ARHGEF1: variants seen among roughly 807,000 people sequenced by gnomAD.
ARHGEF1 encodes 115 kDa guanine nucleotide exchange factor.
A neutral mutation model predicts 119.7 loss-of-function variants in ARHGEF1; 40 were observed. The observed-to-expected ratio is 0.33, with a 90% CI of 0.26 to 0.44. ARHGEF1 has a LOEUF of 0.44. Ranked by LOEUF, ARHGEF1 falls within the 20% of genes least tolerant of loss-of-function variation. The pLI is 1.00. For missense variants in ARHGEF1, 976 were observed against 1,268.3 expected (o/e 0.77, Z 3.50); for synonymous variants, 494 against 521.0 (o/e 0.95, Z 0.71).
intron 12 of ARHGEF1, 78 bp from the exon 13 acceptor site, chr19:41,896,299 C>G (rs941106291): frequency 9.2e-5 from 64 of 698,626 alleles, no homozygotes; most frequent in Non-Finnish European, 1.3e-4. Context: ...CTTTAGCCCC[C>G]GCAATTCCAG....
rs192738973 is a variant in ARHGEF1 at position 41,887,643 on chromosome 19, C to T, written c.-19-421C>T. 6.3e-3 allele frequency among the ~76,000 whole-genome samples: 963 copies of T among 152,208 alleles called. 11 individuals carry two copies. The highest frequency in any genetic ancestry group is 0.018 in the African/African-American group (741 of 41,508). ...TGTCACAGACCAGAGGAGACCCCTG[C>T]ACCCCACTTCTCTCCCGCCTCTCCT... On this transcript the variant is annotated intron_variant, in intron 1 of 28. Coordinates refer to ENST00000354532, the MANE Select transcript of ARHGEF1 (RefSeq NM_004706.4).
chr19:41,929,852 C>G (rs1222962857), exon 3 of ARHGEF1: 2 of 152,226 alleles, frequency 1.3e-5, no homozygotes, highest in Admixed American at 1.3e-4. Flanking sequence ...GTGCTGAGAC[C>G]GAGGTGCTGA....
Position 41,905,144 on chromosome 19 carries a change from G to A in ARHGEF1, c.2250-31G>A, listed in dbSNP as rs1555849844. The A allele has an allele frequency of 3.1e-6, 5 of 1,613,336 alleles. No individual in the cohort carries two copies. Among genetic ancestry groups the A allele is most frequent in the Non-Finnish European group, 4.2e-6 (5 of 1,179,378 alleles). On this transcript the variant is annotated intron_variant, in intron 23 of 28. Coordinates refer to ENST00000354532, the MANE Select transcript of ARHGEF1 (RefSeq NM_004706.4). This position sits in a 1 kb window ranked among gnomAD's most constrained non-coding sequence, Gnocchi z 6.4. The stretch of plus-strand genomic sequence containing the variant: ...CCCTGGCATAGGGTCTGGGGGCTCT[G>A]ACTGCCCAGGGATTTGGCCTTTCTC...
Position 41,907,172 on chromosome 19 carries a change from G to A in ARHGEF1, c.*85G>A, listed in dbSNP as rs1371759634. ...GACCACCCCCACCCACACAGCTGCCGCAGCATCTCACACCCCGAGGGCCTG... is the reference window on the plus strand; with the variant it reads ...GACCACCCCCACCCACACAGCTGCCACAGCATCTCACACCCCGAGGGCCTG... On this transcript the variant is annotated 3_prime_UTR_variant, in exon 29 of 29. Transcript: ENST00000354532. 51 of 1,529,414 alleles carry A rather than the reference G, an allele frequency of 3.3e-5. No individual in the cohort carries two copies. The highest frequency in any genetic ancestry group is 9.6e-5 in the African/African-American group (7 of 72,650). 94.7% of individuals were successfully genotyped at this position (1,529,414 alleles called of 1,614,324 possible).
intron 1 of ARHGEF1, among the ~76,000 whole-genome samples, chr19:41,927,721 C>A (rs1311503853): frequency 6.6e-6 from 1 of 152,144 alleles, no homozygotes; most frequent in Non-Finnish European, 1.5e-5. Context: ...GCCACCAACC[C>A]CCGTTCCCAG....
chr19:41,884,475 C>T (rs1365299056), intron 1 of ARHGEF1: 1 of 1,607,588 alleles, frequency 6.2e-7, no homozygotes, highest in Non-Finnish European at 8.5e-7. Context: ...GCGATGGCTT[C>T]TCTTTCCACC....
chr19:41,907,314 T>C lies in ARHGEF1; in HGVS notation c.*227T>C. ...GCTTGGGGGACTCAGGGCTCCATTCTGGAGGGCACCACGGTGACCCGGGCC... is the reference window on the plus strand; with the variant it reads ...GCTTGGGGGACTCAGGGCTCCATTCCGGAGGGCACCACGGTGACCCGGGCC... On this transcript the variant is annotated 3_prime_UTR_variant, in exon 29 of 29. Transcript: ENST00000354532. 1 of 1,534,250 alleles carries C rather than the reference T, an allele frequency of 6.5e-7. No homozygotes were observed.
intron 18 of ARHGEF1, chr19:41,912,963 G>A (rs1393335320): frequency 7.6e-6 from 8 of 1,049,790 alleles, no homozygotes; most frequent in Non-Finnish European, 9.7e-6. Context: ...ACACGGGGAC[G>A]GGGTGGGCAG....
chr19:41,905,445 C>T lies in ARHGEF1; in HGVS notation c.2336+184C>T, dbSNP rs1250818953. 7 of 630,664 alleles carry T rather than the reference C, an allele frequency of 1.1e-5. No homozygotes were observed. In the African/African-American group the frequency reaches 1.3e-4, roughly 12 times the overall value. 39.1% of individuals were successfully genotyped at this position (630,664 alleles called of 1,614,324 possible). On this transcript the variant is annotated intron_variant, in intron 24 of 28. Transcript: ENST00000354532. The surrounding 1 kb of genome is among the most constrained non-coding windows in gnomAD (Gnocchi z 6.4). ...TGCGTGCATATATAGTGTGTGTATG[C>T]ATGCATGTGTGCGTGTGCATGTGTG...
At chr19:41,918,781 A>G (rs1297698813), upstream of ARHGEF1, among the ~76,000 whole-genome samples, 1 of 149,874 alleles carries the variant, frequency 6.7e-6, no homozygotes, top group Non-Finnish European at 1.5e-5. Flanking sequence ...CACACATACC[A>G]CACACTGCAT....
chr19:41,904,166 G>T lies in ARHGEF1; in HGVS notation c.1994-50G>T. 1 of 1,613,062 alleles carries T rather than the reference G, an allele frequency of 6.2e-7. No individual in the cohort carries two copies. The stretch of plus-strand genomic sequence containing the variant: ...GTGTTGGGGCAGTGAGCCAAGGGCG[G>T]GGAGGGGGTCGCGCGGGGGCACGCC... On this transcript the variant is annotated intron_variant, in intron 21 of 28. Transcript: ENST00000354532. The surrounding 1 kb of genome is among the most constrained non-coding windows in gnomAD (Gnocchi z 8.4).
Position 41,916,062 on chromosome 19 carries a change from ATG to A in ARHGEF1, c.1866-7023_1866-7022del, listed in dbSNP as rs1401572443. 2.6e-4 allele frequency among the ~76,000 whole-genome samples: 40 copies of A among 151,510 alleles called. No homozygotes were observed. In the South Asian group the frequency reaches 6.9e-3, roughly 26 times the overall value. On this transcript the variant is annotated intron_variant, in intron 18 of 20. Coordinates refer to the ARHGEF1 transcript ENST00000599589. This position sits in a 1 kb window ranked among gnomAD's most constrained non-coding sequence, Gnocchi z 5.4. ...CTACCGCCCGCAGCCATGGCACCGA[ATG>A]TGTGTGCGCATGTGAGCGAAGCGGT... is the stretch of plus-strand genomic sequence containing the variant.
intron 18 of ARHGEF1, among the ~76,000 whole-genome samples, chr19:41,915,220 C>CACGTTATA (rs1286247972): frequency 2.0e-5 from 3 of 148,156 alleles, no homozygotes; most frequent in African/African-American, 7.6e-5. Context: ...CTCCTCCGGA[C>CACGTTATA]ACGTTATAAC....
chr19:41,912,184 C>T (rs1457777957), downstream of ARHGEF1, among the ~76,000 whole-genome samples: 2 of 152,214 alleles, frequency 1.3e-5, no homozygotes, highest in African/African-American at 2.4e-5. Context: ...AATACACAAG[C>T]TCACACAAAG....
At chr19:41,894,059 C>A in intron 8 of ARHGEF1, 148 bp from the exon 9 acceptor site, 1 of 491,140 alleles carries the variant, frequency 2.0e-6, no homozygotes. Context: ...CAGAGTCTCA[C>A]AGGAAGTAGT....
In ARHGEF1 at chr19:41,903,474, C is replaced by T; in HGVS notation, c.1839+67C>T. The T allele has an allele frequency of 6.8e-7, 1 of 1,472,952 alleles. No homozygotes were observed. Among genetic ancestry groups the T allele is most frequent in the African/African-American group, 1.4e-5 (1 of 72,044 alleles). 91.2% of individuals were successfully genotyped at this position (1,472,952 alleles called of 1,614,324 possible). ...TGAGAGCAGGGGGTGGACCCTACCT[C>T]AGCCTGTCCAGAAGTCACACCCCAC... On this transcript the variant is annotated intron_variant, in intron 19 of 28. Coordinates refer to ENST00000354532, the MANE Select transcript of ARHGEF1 (RefSeq NM_004706.4). This position sits in a 1 kb window ranked among gnomAD's most constrained non-coding sequence, Gnocchi z 4.2.
At chr19:41,914,974 C>CCT in intron 18 of ARHGEF1, among the ~76,000 whole-genome samples, 3 of 124,926 alleles carry the variant, frequency 2.4e-5, no homozygotes, top group Non-Finnish European at 5.0e-5. Context: ...CTCTCCCTCC[C>CCT]TCCCCCTCCA....
At chr19:41,915,111 G>T (rs1350029329) in intron 18 of ARHGEF1, among the ~76,000 whole-genome samples, 4 of 118,144 alleles carry the variant, frequency 3.4e-5, no homozygotes, top group East Asian at 5.0e-4. Context: ...GCCTCTCAGG[G>T]TCCCCCTCCT....
downstream of ARHGEF1, chr19:41,909,093 G>A (rs955746824): frequency 3.8e-5 from 47 of 1,231,638 alleles, no homozygotes; most frequent in South Asian, 4.1e-4. This position sits in a 1 kb window ranked among gnomAD's most constrained non-coding sequence, Gnocchi z 5.2. Flanking sequence ...CTGTCCAGAC[G>A]CAATTTATCT....
Sources: allele counts gnomAD v4.1 joint callset (sites outside exome capture counted in the v4.1 genomes callset), GRCh38; gene constraint gnomAD v4.1.1; non-coding constraint Gnocchi (gnomAD v3.1); transcripts MANE v1.5; gene names NCBI Gene and HGNC (gene_info 2026-07-23, HGNC 2026-07-21).